FAM135B: variants seen among roughly 807,000 people sequenced by gnomAD.
The protein encoded by FAM135B is family with sequence similarity 135 member B.
FAM135B carries 43 observed loss-of-function variants against 127.7 expected under a neutral mutation model. The observed-to-expected ratio is 0.34, with a 90% CI of 0.26 to 0.43. FAM135B has a LOEUF of 0.43. Among genes scored for constraint, FAM135B ranks in the 20% least tolerant of loss-of-function variants. The pLI, the probability that FAM135B is intolerant of heterozygous loss-of-function variation, is 1.00. For missense variants in FAM135B, 1,558 were observed against 1,725.6 expected, an observed-to-expected ratio of 0.90 and a Z score of 1.72; for synonymous variants, 670 against 665.1, an observed-to-expected ratio of 1.01 and a Z score of -0.11.
intron 13 of FAM135B, among the ~76,000 whole-genome samples, chr8:138,150,095 A>G (rs778869631): frequency 6.6e-5 from 10 of 152,214 alleles, no homozygotes; most frequent in Non-Finnish European, 1.0e-4. Context: ...GGTAAAGAAG[A>G]TGGGATGTTT....
In FAM135B at chr8:138,310,907, G is replaced by A. The variant is rs778940068; in HGVS notation, c.91C>T (p.Arg31Ter). 6.8e-6 allele frequency: 11 copies of A among 1,612,892 alleles called. No individual in the cohort carries two copies. Among genetic ancestry groups the A allele is most frequent in the Non-Finnish European group, 9.3e-6 (11 of 1,179,570 alleles). Residue 31 changes from arginine to a stop codon, truncating the protein, a stop_gained, in exon 3 of 20, where the codon CGA becomes TGA. Coordinates refer to ENST00000395297, the MANE Select transcript of FAM135B (RefSeq NM_015912.4). LOFTEE classifies it high-confidence loss of function. Reference protein sequence around the residue: ...DLFQRGYYQIRVTLKVSSRIP... With the variant: ...DLFQRGYYQI ...CTTGAAGACACCTTCAAGGTCACTC[G>A]GATCTGGTAATACCTAAGAAAAGAG...
chr8:138,225,573 A>G (rs774698019), intron 7 of FAM135B, among the ~76,000 whole-genome samples: 1 of 151,918 alleles, frequency 6.6e-6, no homozygotes, highest in Non-Finnish European at 1.5e-5. Context: ...TTGGGCAGAG[A>G]ATAGACACCT....
At chr8:138,286,200 T>C (rs1436557124) in intron 3 of FAM135B, among the ~76,000 whole-genome samples, 4 of 152,206 alleles carry the variant, frequency 2.6e-5, no homozygotes, top group Admixed American at 6.5e-5. Flanking sequence ...TAGGCATTTA[T>C]ATAAACTGTG....
intron 1 of FAM135B, among the ~76,000 whole-genome samples, chr8:138,494,836 T>TAAAAAA (rs112803082): frequency 5.9e-4 from 62 of 105,752 alleles, no homozygotes; most frequent in Middle Eastern, 9.3e-3. Flanking sequence ...GTTTATACTG[T>TAAAAAA]AAAAAAAAAA....
chr8:138,442,253 T>TAC (rs1412963751), intron 1 of FAM135B, among the ~76,000 whole-genome samples: 1 of 119,672 alleles, frequency 8.4e-6, no homozygotes, highest in Non-Finnish European at 1.8e-5. Context: ...TATATATATA[T>TAC]ATATATATAT....
chr8:138,447,304 G>T (rs1041681877), intron 1 of FAM135B, among the ~76,000 whole-genome samples: 17 of 151,980 alleles, frequency 1.1e-4, no homozygotes, highest in African/African-American at 4.1e-4. Flanking sequence ...CCCATTACTG[G>T]GTATATACCC....
chr8:138,160,901 T>A (rs181544356), intron 12 of FAM135B, among the ~76,000 whole-genome samples: 42 of 152,302 alleles, frequency 2.8e-4, no homozygotes, highest in African/African-American at 9.4e-4. Context: ...TTATGCACAA[T>A]ACTTACAGAG....
chr8:138,419,395 A>C lies in FAM135B; in HGVS notation c.-19-51393T>G, dbSNP rs567371020. ...GACCTACAAAGACAATTAAATAGCC[A>C]CACAATAATAATAGGAATCTTTAAC... On this transcript the variant is annotated intron_variant, in intron 1 of 19. Coordinates refer to ENST00000395297, the MANE Select transcript of FAM135B (RefSeq NM_015912.4). Among the ~76,000 whole-genome samples, 15 of 152,316 alleles carry C rather than the reference A, an allele frequency of 9.8e-5. No homozygotes were observed. The South Asian group carries it at 2.7e-3, about 27-fold the overall frequency.
At chr8:138,182,132 C>T (rs560124669) in intron 9 of FAM135B, among the ~76,000 whole-genome samples, 1 of 152,202 alleles carries the variant, frequency 6.6e-6, no homozygotes, top group African/African-American at 2.4e-5. Flanking sequence ...GAATCCTGAG[C>T]TCCGCCACCA....
At chr8:138,279,245 G>A (rs938852333) in intron 3 of FAM135B, among the ~76,000 whole-genome samples, 1 of 152,158 alleles carries the variant, frequency 6.6e-6, no homozygotes, top group African/African-American at 2.4e-5. Context: ...ACCAGCTCTT[G>A]TAGAATACTT....
intron 12 of FAM135B, among the ~76,000 whole-genome samples, chr8:138,160,867 T>C (rs1161648651): frequency 2.0e-5 from 3 of 152,178 alleles, no homozygotes; most frequent in Non-Finnish European, 2.9e-5. Context: ...TCCCCATTTG[T>C]AAATATCAAA....
chr8:138,387,049 G>C (rs79174682), intron 1 of FAM135B, among the ~76,000 whole-genome samples: 1 of 152,284 alleles, frequency 6.6e-6, no homozygotes, highest in African/African-American at 2.4e-5. Context: ...CCCTATAAAA[G>C]CTGAGTATCT....
chr8:138,247,019 C>A (rs556945145), intron 6 of FAM135B, among the ~76,000 whole-genome samples: 1 of 152,328 alleles, frequency 6.6e-6, no homozygotes, highest in South Asian at 2.1e-4. Context: ...TTTTGGCCAA[C>A]TTCTCCCACT....
In FAM135B at chr8:138,350,006, A is replaced by G. The variant is rs574015886; in HGVS notation, c.77+17901T>C. On this transcript the variant is annotated intron_variant, in intron 2 of 19. Coordinates refer to ENST00000395297, the MANE Select transcript of FAM135B (RefSeq NM_015912.4). ...ACAAAAGACCTGTGAGGTGGACTCT[A>G]TCGTTATTCTCCATGTTCAGATGAG... Among the ~76,000 whole-genome samples the G allele has an allele frequency of 2.4e-4, 37 of 152,270 alleles. No individual in the cohort carries two copies. The South Asian group carries it at 7.1e-3, about 29-fold the overall frequency.
chr8:138,232,639 G>T (rs980442969), intron 7 of FAM135B, among the ~76,000 whole-genome samples: 4 of 152,106 alleles, frequency 2.6e-5, no homozygotes, highest in African/African-American at 9.7e-5. Flanking sequence ...TAATTTTAAT[G>T]GGGGAAAGTG....
rs553839471 is a variant in FAM135B at position 138,158,665 on chromosome 8, T to C, written c.1259-5449A>G. ...CAGACACTTCTCAAAAGAAGACATT[T>C]ATGCAGCCAACAGACACATGAAAAA... is the stretch of plus-strand genomic sequence containing the variant. On this transcript the variant is annotated intron_variant, in intron 12 of 19. Transcript: ENST00000395297. 9.4e-4 allele frequency among the ~76,000 whole-genome samples: 143 copies of C among 152,214 alleles called. 1 individual carries two copies. The South Asian group carries it at 0.013, about 13-fold the overall frequency.
At chr8:138,329,072 G>A (rs1023622205) in intron 2 of FAM135B, among the ~76,000 whole-genome samples, 16 of 152,126 alleles carry the variant, frequency 1.1e-4, no homozygotes, top group Non-Finnish European at 1.9e-4. Context: ...GTAGGCCACC[G>A]AAAACTCCAT....
chr8:138,297,453 T>C (rs1405785587), intron 3 of FAM135B, among the ~76,000 whole-genome samples: 1 of 152,204 alleles, frequency 6.6e-6, no homozygotes, highest in Admixed American at 6.5e-5. Flanking sequence ...ATTCCTAAAA[T>C]AGGTCTTCAC....
intron 1 of FAM135B, among the ~76,000 whole-genome samples, chr8:138,496,017 G>A (rs1261695039): frequency 6.6e-6 from 1 of 152,130 alleles, no homozygotes; most frequent in Non-Finnish European, 1.5e-5. Context: ...GCATAGTCTT[G>A]ACTGCTAGCT....
Sources: gnomAD v4.1 joint callset for allele counts (sites outside exome capture counted in the v4.1 genomes callset) on GRCh38, gnomAD v4.1.1 for gene constraint, MANE v1.5 for transcripts, NCBI Gene and HGNC (gene_info 2026-07-23, HGNC 2026-07-21) for gene names.